Variants in CSMD1 observed in about 807,000 individuals in gnomAD.
CSMD1 encodes CUB and sushi domain-containing protein 1.
CSMD1 carries 213 observed loss-of-function variants against 417.5 expected under a neutral mutation model. The observed-to-expected ratio is 0.51, with a 90% CI of 0.46 to 0.57. CSMD1 has a LOEUF of 0.57. CSMD1 is among the 20% of genes least tolerant of loss of function. The probability of loss-of-function intolerance (pLI) is 0.00; values close to 1 mark genes in which losing one functional copy is unlikely to be tolerated. For missense variants in CSMD1, 6,923 were observed against 4,529.7 expected (o/e 1.53, Z -15.17); for synonymous variants, 2,862 against 1,736.8 (o/e 1.65, Z -16.11).
intron 3 of CSMD1, among the ~76,000 whole-genome samples, chr8:4,056,606 A>G (rs1798705653): frequency 2.0e-5 from 3 of 151,804 alleles, no homozygotes; most frequent in Non-Finnish European, 4.4e-5. Context: ...ACCTATGTAT[A>G]CATGTGCCAT....
At chr8:4,108,014 A>G (rs541164164) in intron 3 of CSMD1, among the ~76,000 whole-genome samples, 2 of 151,936 alleles carry the variant, frequency 1.3e-5, no homozygotes, top group African/African-American at 4.8e-5. Context: ...AAAGACAGAA[A>G]GACTGCAGGG....
chr8:4,400,760 AG>A (rs1445418882), intron 3 of CSMD1, among the ~76,000 whole-genome samples: 4 of 110,958 alleles, frequency 3.6e-5, no homozygotes, highest in African/African-American at 3.8e-5. Flanking sequence ...CATACAGATC[AG>A]TTTTTTTTTT....
chr8:4,400,231 A>G (rs1306855244), intron 3 of CSMD1, among the ~76,000 whole-genome samples: 7 of 152,364 alleles, frequency 4.6e-5, no homozygotes, highest in South Asian at 4.1e-4. Flanking sequence ...TTGCAAACTT[A>G]TGGACATGGA....
intron 26 of CSMD1, among the ~76,000 whole-genome samples, chr8:3,271,519 G>C (rs1392032833): frequency 2.0e-5 from 3 of 147,636 alleles, no homozygotes; most frequent in Admixed American, 1.4e-4. Flanking sequence ...CTTCCACAAT[G>C]GTTGAACTAG....
intron 3 of CSMD1, among the ~76,000 whole-genome samples, chr8:4,060,536 T>A (rs113045010): frequency 5.3e-5 from 8 of 152,038 alleles, no homozygotes; most frequent in African/African-American, 1.9e-4. Flanking sequence ...GGAGAAGGAG[T>A]GTGGCCTCTG....
intron 11 of CSMD1, among the ~76,000 whole-genome samples, chr8:3,481,811 G>A (rs1316770512): frequency 6.6e-6 from 1 of 152,152 alleles, no homozygotes; most frequent in East Asian, 1.9e-4. Context: ...CTTCCCCAGG[G>A]CCTTTGGAGT....
At chr8:3,686,902 G>T (rs564566277) in intron 7 of CSMD1, among the ~76,000 whole-genome samples, 2 of 152,302 alleles carry the variant, frequency 1.3e-5, no homozygotes, top group Admixed American at 1.3e-4. Context: ...TTCTTGGGCC[G>T]TAAGAGGACA....
chr8:4,002,232 T>G (rs1202379329), intron 4 of CSMD1, among the ~76,000 whole-genome samples: 1 of 152,030 alleles, frequency 6.6e-6, no homozygotes, highest in Admixed American at 6.6e-5. Context: ...TGTGTGCATG[T>G]GTGTGCGTGT....
chr8:4,052,547 ATT>A (rs1798487718), intron 3 of CSMD1, among the ~76,000 whole-genome samples: 1 of 152,040 alleles, frequency 6.6e-6, no homozygotes, highest in Non-Finnish European at 1.5e-5. Context: ...AATGCACCAA[ATT>A]TGAGGAAGCA....
At chr8:4,853,174 A>G (rs1426931020) in intron 1 of CSMD1, among the ~76,000 whole-genome samples, 4 of 152,220 alleles carry the variant, frequency 2.6e-5, no homozygotes, top group Non-Finnish European at 5.9e-5. Flanking sequence ...TTGCATGACT[A>G]AAAGGGACCC....
chr8:3,386,840 T>G (rs1026515034), intron 18 of CSMD1, among the ~76,000 whole-genome samples: 2 of 152,196 alleles, frequency 1.3e-5, no homozygotes, highest in African/African-American at 4.8e-5. Context: ...CCCCAAGTTT[T>G]TTTGGCAAAT....
At chr8:3,191,789 T>C (rs572327524) in intron 33 of CSMD1, among the ~76,000 whole-genome samples, 1 of 152,224 alleles carries the variant, frequency 6.6e-6, no homozygotes, top group Non-Finnish European at 1.5e-5. Flanking sequence ...AAAATAGTTA[T>C]GCCCTTTGAA....
At chr8:3,617,337 A>G (rs1802191455) in intron 7 of CSMD1, among the ~76,000 whole-genome samples, 1 of 152,184 alleles carries the variant, frequency 6.6e-6, no homozygotes, top group Non-Finnish European at 1.5e-5. Context: ...TCATGGAAAA[A>G]CTTTTCTCCT....
chr8:4,310,309 G>A (rs891255860), intron 3 of CSMD1, among the ~76,000 whole-genome samples: 6 of 152,146 alleles, frequency 3.9e-5, no homozygotes, highest in Admixed American at 6.6e-5. Flanking sequence ...ATGGGTGGGT[G>A]TGGAAGGGAA....
intron 2 of CSMD1, among the ~76,000 whole-genome samples, chr8:4,613,433 A>G (rs1001404288): frequency 1.3e-4 from 20 of 152,296 alleles, no homozygotes; most frequent in Admixed American, 1.3e-3. Flanking sequence ...GAACTAGGTT[A>G]GTTGCCTCCA....
intron 3 of CSMD1, among the ~76,000 whole-genome samples, chr8:4,068,082 A>G (rs1799347777): frequency 6.6e-6 from 1 of 152,066 alleles, no homozygotes. Flanking sequence ...AACGTCTCAA[A>G]AAAGAAAAAA....
intron 1 of CSMD1, among the ~76,000 whole-genome samples, chr8:4,754,669 G>T (rs1454485042): frequency 6.6e-6 from 1 of 152,000 alleles, no homozygotes; most frequent in African/African-American, 2.4e-5. Flanking sequence ...GGCTAACATG[G>T]TGAAACCCTG....
intron 5 of CSMD1, among the ~76,000 whole-genome samples, chr8:3,950,205 A>G (rs1220036916): frequency 6.6e-6 from 1 of 152,150 alleles, no homozygotes; most frequent in Non-Finnish European, 1.5e-5. Context: ...TCCAATACTG[A>G]CTGTGAAGTT....
At chr8:4,303,955 T>C (rs982018740) in intron 3 of CSMD1, among the ~76,000 whole-genome samples, 3 of 152,154 alleles carry the variant, frequency 2.0e-5, no homozygotes, top group Non-Finnish European at 2.9e-5. Flanking sequence ...GCTGCCACTT[T>C]TCCCTCTTCC....
Sources: allele counts gnomAD v4.1 joint callset (sites outside exome capture counted in the v4.1 genomes callset), GRCh38; gene constraint gnomAD v4.1.1; transcripts MANE v1.5; gene names NCBI Gene and HGNC (gene_info 2026-07-23, HGNC 2026-07-21).